PLPPR4: variants seen among roughly 807,000 people sequenced by gnomAD.
The protein encoded by PLPPR4 is phospholipid phosphatase related 4, also known as phospholipid phosphatase-related protein type 4.
A neutral mutation model predicts 56.6 loss-of-function variants in PLPPR4; 24 were observed. The ratio of observed to expected loss-of-function variants is 0.42; its 90% CI spans 0.31 to 0.60. The LOEUF (loss-of-function observed/expected upper bound fraction) is 0.60. PLPPR4 is among the 20% of genes least tolerant of loss of function. The pLI is 0.13. For synonymous variants in PLPPR4, 326 were observed against 328.1 expected (o/e 0.99, Z 0.07); for missense variants, 654 against 885.8 (o/e 0.74, Z 3.32).
At chr1:99,273,694 T>C (rs1331713760) in intron 1 of PLPPR4, among the ~76,000 whole-genome samples, 1 of 152,112 alleles carries the variant, frequency 6.6e-6, no homozygotes, top group African/African-American at 2.4e-5. Flanking sequence ...TGATGTGACT[T>C]TTGGTAAAAG....
At chr1:99,293,850 T>C (rs1161090075) in intron 2 of PLPPR4, among the ~76,000 whole-genome samples, 4 of 152,120 alleles carry the variant, frequency 2.6e-5, no homozygotes, top group African/African-American at 4.8e-5. Flanking sequence ...CTAGGGTCCT[T>C]ATAGTACTAA....
intron 1 of PLPPR4, among the ~76,000 whole-genome samples, chr1:99,286,721 G>C (rs1382147771): frequency 6.6e-6 from 1 of 152,110 alleles, no homozygotes; most frequent in African/African-American, 2.4e-5. Flanking sequence ...AATATTACAG[G>C]AAAAGAATGA....
rs553246654 is a variant in PLPPR4 at position 99,308,079 on chromosome 1, A to G, written c.*1069A>G. On this transcript the variant is annotated 3_prime_UTR_variant, in exon 7 of 7. Coordinates refer to ENST00000370185, the MANE Select transcript of PLPPR4 (RefSeq NM_014839.5). The stretch of plus-strand genomic sequence containing the variant: ...TCAAGTTTGCCCTTAGATGTCTACA[A>G]CTAGCTGGCATAGGTTGCCATCTTA... 1.3e-5 allele frequency: 2 copies of G among 152,316 alleles called. No homozygotes were observed. Among genetic ancestry groups the G allele is most frequent in the East Asian group, 1.9e-4 (1 of 5,182 alleles). 9.4% of individuals were successfully genotyped at this position (152,316 alleles called of 1,614,324 possible). A position where few individuals can be genotyped will look rare whatever the true frequency, so the allele number is the denominator to read the frequency against.
At chr1:99,295,666 G>A (rs1659722706) in intron 2 of PLPPR4, among the ~76,000 whole-genome samples, 1 of 152,146 alleles carries the variant, frequency 6.6e-6, no homozygotes, top group African/African-American at 2.4e-5. Context: ...GAATAAAATG[G>A]ATAATTTTAA....
chr1:99,301,017 G>T, intron 5 of PLPPR4, 51 bp downstream of exon 5: 1 of 1,511,364 alleles, frequency 6.6e-7, no homozygotes, highest in South Asian at 1.1e-5. Context: ...AAAATCTGAG[G>T]AATGAATGTT....
At chr1:99,301,635 T>C in intron 5 of PLPPR4, 89 bp from the exon 6 acceptor site, 1 of 912,990 alleles carries the variant, frequency 1.1e-6, no homozygotes, top group South Asian at 2.1e-5. Flanking sequence ...CTGAAGTCAA[T>C]TGTATCAGAC....
At position 99,284,786 on chromosome 1, in the gene PLPPR4, G is replaced by A. The variant is rs183580530; in HGVS notation, c.79-3179G>A. Among the ~76,000 whole-genome samples the A allele has an allele frequency of 2.0e-5, 3 of 152,126 alleles. 1 individual carries two copies. Among genetic ancestry groups the A allele is most frequent in the Admixed American group, 2.0e-4 (3 of 15,262 alleles). Reference sequence around the variant, plus strand: ...TTACTTTAATTCATATGTTAATGTGGCATATATGTATATATAGAGATACAT... The same window carrying A: ...TTACTTTAATTCATATGTTAATGTGACATATATGTATATATAGAGATACAT... On this transcript the variant is annotated intron_variant, in intron 1 of 6. Coordinates refer to ENST00000370185, the MANE Select transcript of PLPPR4 (RefSeq NM_014839.5).
chr1:99,301,790 A>G lies in PLPPR4; in HGVS notation c.715A>G (p.Ile239Val). The stretch of plus-strand genomic sequence containing the variant: ...GAAACCTCTCTTGGTCTTCACATTT[A>G]TCATCTGTGGAATAATCTGCGGGCT... The part of the protein sequence containing the change: ...LLKPLLVFTF[I>V]ICGIICGLTR... Residue 239 changes from isoleucine to valine, a missense_variant, in exon 6 of 7, where the codon ATC (isoleucine) becomes GTC (valine). Ile to Val is a conservative substitution (Grantham distance 29). Transcript: ENST00000370185. The G allele has an allele frequency of 6.2e-7, 1 of 1,612,570 alleles. No individual in the cohort carries two copies. The highest frequency in any genetic ancestry group is 8.5e-7 in the Non-Finnish European group (1 of 1,178,898).
intron 1 of PLPPR4, among the ~76,000 whole-genome samples, chr1:99,267,809 T>C (rs1026008678): frequency 1.2e-3 from 177 of 152,228 alleles, no homozygotes; most frequent in South Asian, 2.1e-4. Flanking sequence ...CTTGTATTAA[T>C]TGACACAAAT....
intron 1 of PLPPR4, among the ~76,000 whole-genome samples, chr1:99,275,712 T>C (rs1380240166): frequency 6.6e-6 from 1 of 152,172 alleles, no homozygotes; most frequent in Non-Finnish European, 1.5e-5. Context: ...TGCTCAAATG[T>C]ATGTTCCAAC....
At chr1:99,268,035 A>C (rs1334546943) in intron 1 of PLPPR4, among the ~76,000 whole-genome samples, 2 of 152,230 alleles carry the variant, frequency 1.3e-5, no homozygotes, top group African/African-American at 4.8e-5. Context: ...TTTATAAAGC[A>C]AAGTTAGAGG....
Position 99,307,166 on chromosome 1 carries a change from C to A in PLPPR4, c.*156C>A. On this transcript the variant is annotated 3_prime_UTR_variant, in exon 7 of 7. Transcript: ENST00000370185. ...TTCAGAACTGCTATACTCAAACTTGCAGATCTCACATCAAGGAGAGGGAAA... is the reference window on the plus strand; with the variant it reads ...TTCAGAACTGCTATACTCAAACTTGAAGATCTCACATCAAGGAGAGGGAAA... 1 of 815,014 alleles carries A rather than the reference C, an allele frequency of 1.2e-6. No homozygotes were observed. The highest frequency in any genetic ancestry group is 1.9e-6 in the Non-Finnish European group (1 of 522,894). 50.5% of individuals were successfully genotyped at this position (815,014 alleles called of 1,614,324 possible).
At position 99,307,083 on chromosome 1, in the gene PLPPR4, G is replaced by A; in HGVS notation, c.*73G>A. ...GATTCTACCTGTGTTCTGTTCCAGC[G>A]AATTGGGAAGTCTCACCAAGCTAGA... On this transcript the variant is annotated 3_prime_UTR_variant, in exon 7 of 7. Coordinates refer to ENST00000370185, the MANE Select transcript of PLPPR4 (RefSeq NM_014839.5). 2.0e-6 allele frequency: 3 copies of A among 1,500,730 alleles called. No homozygotes were observed. Among genetic ancestry groups the A allele is most frequent in the Non-Finnish European group, 2.7e-6 (3 of 1,127,400 alleles). 93.0% of individuals were successfully genotyped at this position (1,500,730 alleles called of 1,614,324 possible).
At chr1:99,294,002 TA>T (rs1659683133) in intron 2 of PLPPR4, among the ~76,000 whole-genome samples, 1 of 151,982 alleles carries the variant, frequency 6.6e-6, no homozygotes, top group South Asian at 2.1e-4. Flanking sequence ...ATACTTGTTG[TA>T]AACTGTTTTC....
intron 1 of PLPPR4, among the ~76,000 whole-genome samples, chr1:99,280,607 T>A (rs576762446): frequency 6.6e-6 from 1 of 152,200 alleles, no homozygotes; most frequent in Non-Finnish European, 1.5e-5. Flanking sequence ...GACTAACAGA[T>A]CCTTCGATAA....
intron 1 of PLPPR4, among the ~76,000 whole-genome samples, chr1:99,284,486 A>G (rs1208916495): frequency 6.6e-6 from 1 of 152,036 alleles, no homozygotes; most frequent in East Asian, 1.9e-4. Flanking sequence ...ATGGGGTTTC[A>G]CCATGATGGT....
chr1:99,282,198 T>C (rs188645461), intron 1 of PLPPR4, among the ~76,000 whole-genome samples: 95 of 152,328 alleles, frequency 6.2e-4, no homozygotes, highest in African/African-American at 2.3e-3. Flanking sequence ...ATGACACTAC[T>C]GGCCTAATTC....
At chr1:99,287,877 C>A in intron 1 of PLPPR4, 88 bp from the exon 2 acceptor site, 3 of 923,358 alleles carry the variant, frequency 3.2e-6, no homozygotes, top group East Asian at 2.6e-5. Flanking sequence ...AGAAGAGTAG[C>A]GAGAGAAGGA....
intron 1 of PLPPR4, 44 bp downstream of exon 1, chr1:99,264,715 A>C: frequency 6.5e-7 from 1 of 1,541,098 alleles, no homozygotes; most frequent in Non-Finnish European, 8.8e-7. Flanking sequence ...TCCTCTGGGC[A>C]TCTCCTGAGC....
Sources: gnomAD v4.1 joint callset for allele counts (sites outside exome capture counted in the v4.1 genomes callset) on GRCh38, gnomAD v4.1.1 for gene constraint, MANE v1.5 for transcripts, NCBI Gene and HGNC (gene_info 2026-07-23, HGNC 2026-07-21) for gene names.